ACYP2: variants seen among roughly 807,000 people sequenced by gnomAD.
ACYP2 encodes acylphosphatase-2.
In ACYP2, 12 loss-of-function variants were observed where a neutral mutation model predicts 11.2. The observed-to-expected ratio is 1.08, with a 90% CI of 0.69 to 1.74. ACYP2 has a LOEUF of 1.74. ACYP2 is among the 40% of genes most tolerant of loss of function. The pLI, the probability that ACYP2 is intolerant of heterozygous loss-of-function variation, is 0.00. For synonymous variants in ACYP2, 43 were observed against 32.2 expected (o/e 1.33, Z -1.13); for missense variants, 134 against 101.9 (o/e 1.31, Z -1.35).
chr2:54,199,754 G>A (rs1172547977), intron 6 of ACYP2, among the ~76,000 whole-genome samples: 1 of 152,226 alleles, frequency 6.6e-6, no homozygotes, highest in East Asian at 1.9e-4. Context: ...CTTGGTTTAA[G>A]AACTATGGAG....
intron 3 of ACYP2, among the ~76,000 whole-genome samples, chr2:54,054,937 C>G (rs1676039427): frequency 6.6e-6 from 1 of 152,172 alleles, no homozygotes; most frequent in African/African-American, 2.4e-5. Context: ...AGTGTGCAGA[C>G]TAGAAGTTGT....
chr2:54,266,586 C>CTTTTTTTTTTTTTTTTT (rs1558655770), intron 6 of ACYP2, among the ~76,000 whole-genome samples: 1 of 99,176 alleles, frequency 1.0e-5, no homozygotes, highest in African/African-American at 3.9e-5. Context: ...AGATATCTAT[C>CTTTTTTTTTTTTTTTTT]TATCTTTTTT....
chr2:54,115,969 G>GCCA (rs1679763514), intron 4 of ACYP2, among the ~76,000 whole-genome samples: 1 of 152,040 alleles, frequency 6.6e-6, no homozygotes. Flanking sequence ...GGAGGGAAGT[G>GCCA]GGGGAGCGGG....
intron 2 of ACYP2, among the ~76,000 whole-genome samples, chr2:54,004,577 AT>A (rs1165733472): frequency 1.3e-5 from 2 of 150,798 alleles, no homozygotes; most frequent in East Asian, 2.0e-4. Flanking sequence ...TGCCTGGCTA[AT>A]TTTTTTGTAT....
At chr2:54,000,242 C>G (rs1030282110) in intron 2 of ACYP2, among the ~76,000 whole-genome samples, 2 of 152,020 alleles carry the variant, frequency 1.3e-5, no homozygotes, top group Non-Finnish European at 2.9e-5. Flanking sequence ...AAGCTATTCC[C>G]CAGACTCTTG....
intron 2 of ACYP2, among the ~76,000 whole-genome samples, chr2:54,008,391 C>A (rs1305697894): frequency 6.6e-6 from 1 of 152,172 alleles, no homozygotes; most frequent in Non-Finnish European, 1.5e-5. Flanking sequence ...TCTTGTCCTG[C>A]AGGGACAGAG....
chr2:53,994,157 C>T (rs374528796), intron 2 of ACYP2, among the ~76,000 whole-genome samples: 1 of 151,938 alleles, frequency 6.6e-6, no homozygotes, highest in African/African-American at 2.4e-5. Context: ...GGTGAAAACC[C>T]TTCTCTACTA....
intron 2 of ACYP2, among the ~76,000 whole-genome samples, chr2:54,008,006 G>C (rs1270785038): frequency 6.6e-6 from 1 of 152,196 alleles, no homozygotes; most frequent in Admixed American, 6.5e-5. Context: ...GGAATGACCA[G>C]GGACACCTCA....
intron 2 of ACYP2, among the ~76,000 whole-genome samples, chr2:53,995,568 A>T (rs1185411953): frequency 2.0e-5 from 3 of 150,660 alleles, no homozygotes; most frequent in Non-Finnish European, 4.4e-5. Context: ...TAGTGGCATG[A>T]TCTCAGCTCA....
At chr2:54,007,476 A>T (rs1197859051) in intron 2 of ACYP2, among the ~76,000 whole-genome samples, 1 of 152,050 alleles carries the variant, frequency 6.6e-6, no homozygotes, top group African/African-American at 2.4e-5. Flanking sequence ...GATGGTCTTG[A>T]TCTGTTGACC....
At chr2:53,995,700 G>T (rs1289438389) in intron 2 of ACYP2, among the ~76,000 whole-genome samples, 1 of 151,630 alleles carries the variant, frequency 6.6e-6, no homozygotes, top group Non-Finnish European at 1.5e-5. Flanking sequence ...TGATCTGTCT[G>T]CCTCGGCCTC....
chr2:54,072,158 T>A (rs914445074), intron 4 of ACYP2, among the ~76,000 whole-genome samples: 1 of 152,304 alleles, frequency 6.6e-6, no homozygotes, highest in South Asian at 2.1e-4. Context: ...TATCAAATAT[T>A]GTTGAAAGAA....
intron 2 of ACYP2, among the ~76,000 whole-genome samples, chr2:54,019,580 C>T (rs1673886887): frequency 6.6e-6 from 1 of 151,806 alleles, no homozygotes; most frequent in African/African-American, 2.4e-5. Flanking sequence ...AGATTACAGG[C>T]ATGAGCCACC....
rs61634500 is a variant in ACYP2, at chr2:54,202,405, C to CTTTTTT, written c.404+63670_404+63675dup. Among the ~76,000 whole-genome samples the CTTTTTT allele has an allele frequency of 6.8e-3, 791 of 116,340 alleles. 38 individuals are homozygous for CTTTTTT. The highest frequency in any genetic ancestry group is 0.027 in the African/African-American group (758 of 28,058). The allele number at this position is 116,340 out of a possible 152,430, so 76.3% of individuals were successfully genotyped here. A position where few individuals can be genotyped will look rare whatever the true frequency, so the allele number is the denominator to read the frequency against. On this transcript the variant is annotated intron_variant, in intron 6 of 6. Coordinates refer to ENST00000607452, the MANE Select transcript of ACYP2 (RefSeq NM_001320586.2). ...TACAGGCATGAGCCACTGTGCCTGG[C>CTTTTTT]TTTTTTTTTTTTTTTTTTCTGAGAT...
chr2:54,220,171 AAACTT>A (rs1685744916), intron 6 of ACYP2, among the ~76,000 whole-genome samples: 1 of 151,990 alleles, frequency 6.6e-6, no homozygotes, highest in Non-Finnish European at 1.5e-5. Flanking sequence ...ATTTTCTGTT[AAACTT>A]ATTTTTTATA....
intron 6 of ACYP2, among the ~76,000 whole-genome samples, chr2:54,241,972 C>T (rs555104071): frequency 1.6e-4 from 25 of 152,084 alleles, no homozygotes; most frequent in Non-Finnish European, 3.4e-4. Context: ...CAAGATCACG[C>T]CATTGCACTC....
At chr2:54,212,410 A>G (rs1294924586) in intron 6 of ACYP2, among the ~76,000 whole-genome samples, 2 of 152,184 alleles carry the variant, frequency 1.3e-5, no homozygotes, top group African/African-American at 4.8e-5. Flanking sequence ...CTGGGACCTC[A>G]GCTGTAATCT....
chr2:54,201,235 A>G (rs1185816228), intron 6 of ACYP2, among the ~76,000 whole-genome samples: 2 of 152,102 alleles, frequency 1.3e-5, no homozygotes, highest in East Asian at 3.9e-4. Context: ...CTTCCCGAGT[A>G]GCAGGGACCA....
chr2:54,131,867 C>T (rs1161804872), intron 4 of ACYP2, among the ~76,000 whole-genome samples: 2 of 152,152 alleles, frequency 1.3e-5, no homozygotes, highest in African/African-American at 2.4e-5. Context: ...GATTACTGGG[C>T]TCCACCTGTA....
Sources: allele counts gnomAD v4.1 joint callset (sites outside exome capture counted in the v4.1 genomes callset), GRCh38; gene constraint gnomAD v4.1.1; transcripts MANE v1.5; gene names NCBI Gene and HGNC (gene_info 2026-07-23, HGNC 2026-07-21).